Variants in ZNF316 observed in about 807,000 individuals in gnomAD.
ZNF316 encodes zinc finger protein 316.
ZNF316 carries 23 observed loss-of-function variants against 75.6 expected under a neutral mutation model. That is an observed-to-expected ratio of 0.30 (90% confidence interval 0.22 to 0.43). The LOEUF is 0.43. Among genes scored for constraint, ZNF316 ranks in the 20% least tolerant of loss-of-function variants. The pLI is 1.00. For synonymous variants in ZNF316, 827 were observed against 666.2 expected (o/e 1.24, Z -3.72); for missense variants, 1,266 against 1,409.4 (o/e 0.90, Z 1.63).
chr7:6,653,556 G>A lies in ZNF316; in HGVS notation c.1960G>A (p.Gly654Ser). The part of the protein sequence containing the change: ...EGTGLACDPF[G>S]GGGAAGGGGG... ...TACCGGGCTGGCGTGCGACCCTTTC[G>A]GCGGCGGCGGGGCCGCGGGCGGCGG... Residue 654 changes from glycine (G) to serine (S), a missense_variant, in exon 9 of 9, where the codon GGC becomes AGC. Around this residue, in one of 3 missense-constraint regions of ZNF316, gnomAD observed 961 missense variants for 990.9 expected, o/e 0.97. Transcript: ENST00000382252. 1.3e-5 allele frequency: 15 copies of A among 1,171,402 alleles called. No individual in the cohort carries two copies. The highest frequency in any genetic ancestry group is 1.6e-5 in the Non-Finnish European group (15 of 949,466). 72.6% of individuals were successfully genotyped at this position (1,171,402 alleles called of 1,614,324 possible).
At chr7:6,650,100 C>T (rs541592885) in intron 8 of ZNF316, among the ~76,000 whole-genome samples, 1 of 152,352 alleles carries the variant, frequency 6.6e-6, no homozygotes, top group Non-Finnish European at 1.5e-5. Flanking sequence ...CTTGAACCTT[C>T]CCCGTTTGGA....
chr7:6,639,098 C>A lies in ZNF316; in HGVS notation c.-210C>A, dbSNP rs937468410. 5.3e-5 allele frequency: 8 copies of A among 152,260 alleles called. No homozygotes were observed. The highest frequency in any genetic ancestry group is 1.7e-4 in the African/African-American group (7 of 41,422). 9.4% of individuals were successfully genotyped at this position (152,260 alleles called of 1,614,324 possible). ...TGGGTGGACTTCTTGGGAGAAAGAA[C>A]TCAGTGTCGTCTTTGGAGGCAGAGA... On this transcript the variant is annotated 5_prime_UTR_variant, in exon 3 of 9. Coordinates refer to ENST00000382252, the MANE Select transcript of ZNF316 (RefSeq NM_001278559.2). The surrounding 1 kb of genome is among the most constrained non-coding windows in gnomAD (Gnocchi z 4.2).
At chr7:6,646,948 C>G (rs534068760) in intron 8 of ZNF316, among the ~76,000 whole-genome samples, 1 of 152,174 alleles carries the variant, frequency 6.6e-6, no homozygotes, top group South Asian at 2.1e-4. Context: ...GCTGAAGCCC[C>G]CACCTGCCCT....
intron 8 of ZNF316, among the ~76,000 whole-genome samples, chr7:6,645,985 C>T (rs922667443): frequency 1.4e-4 from 17 of 120,326 alleles, no homozygotes; most frequent in African/African-American, 4.4e-4. Flanking sequence ...CAGAGTGAGA[C>T]GCCATCTCAA....
At position 6,643,849 on chromosome 7, in the gene ZNF316, G is replaced by A; in HGVS notation, c.493G>A (p.Val165Met). The change falls in exon 7 of 9, where the codon GTG becomes ATG. Residue 165 changes from valine to methionine, a missense_variant. Coordinates refer to ENST00000382252, the MANE Select transcript of ZNF316 (RefSeq NM_001278559.2). ...QELVTFEDVA[V>M]YFSLEEWERL... ...GCTGGTGACGTTTGAAGATGTGGCT[G>A]TGTACTTCTCCCTGGAGGAGTGGGA... The A allele has an allele frequency of 8.1e-7, 1 of 1,238,522 alleles. No individual in the cohort carries two copies. The highest frequency in any genetic ancestry group is 1.5e-5 in the African/African-American group (1 of 64,642). 76.7% of individuals were successfully genotyped at this position (1,238,522 alleles called of 1,614,324 possible).
chr7:6,653,936 C>T lies in ZNF316; in HGVS notation c.2340C>T (p.Cys780=). ...AGAAGCCGTTCGTGTGCGGCGTGTGCGGTGCGGGGTTCAGCCGTCGCGCGC... is the reference window on the plus strand; with the variant it reads ...AGAAGCCGTTCGTGTGCGGCGTGTGTGGTGCGGGGTTCAGCCGTCGCGCGC... ...TGEKPFVCGV[C]GAGFSRRAHL... The change falls in exon 9 of 9, where the codon TGC becomes TGT. Residue 780 remains cysteine, a synonymous_variant. Coordinates refer to ENST00000382252, the MANE Select transcript of ZNF316 (RefSeq NM_001278559.2). 5 of 1,148,252 alleles carry T rather than the reference C, an allele frequency of 4.4e-6. No homozygotes were observed. Among genetic ancestry groups the T allele is most frequent in the Non-Finnish European group, 5.3e-6 (5 of 934,980 alleles). The allele number at this position is 1,148,252 out of a possible 1,614,324, so 71.1% of individuals were successfully genotyped here. A position where few individuals can be genotyped will look rare whatever the true frequency, so the allele number is the denominator to read the frequency against.
At position 6,643,818 on chromosome 7, in the gene ZNF316, C is replaced by T. The variant is rs1049146338; in HGVS notation, c.466-4C>T. The T allele has an allele frequency of 1.6e-6, 2 of 1,235,514 alleles. No homozygotes were observed. Among genetic ancestry groups the T allele is most frequent in the Non-Finnish European group, 2.0e-6 (2 of 990,034 alleles). The allele number at this position is 1,235,514 out of a possible 1,614,324, so 76.5% of individuals were successfully genotyped here. A position where few individuals can be genotyped will look rare whatever the true frequency, so the allele number is the denominator to read the frequency against. ...GCCTCTCACCTGAGGCTCTGTTTCC[C>T]CAGGAGCTGGTGACGTTTGAAGATG... On this transcript the variant is annotated splice_polypyrimidine_tract_variant and splice_region_variant and intron_variant, in intron 6 of 8. Transcript: ENST00000382252.
Position 6,655,763 on chromosome 7 carries a change from T to G in ZNF316, c.*1152T>G, listed in dbSNP as rs149133258. ...GTGGAGGCACCCGTGGCCTGGCAGC[T>G]TGCACAGTGGCTGTCCACCTCGGGG... On this transcript the variant is annotated 3_prime_UTR_variant, in exon 9 of 9. Transcript: ENST00000382252. 2.0e-5 allele frequency: 3 copies of G among 148,952 alleles called. No individual in the cohort carries two copies. The highest frequency in any genetic ancestry group is 7.6e-5 in the African/African-American group (3 of 39,228). 9.2% of individuals were successfully genotyped at this position (148,952 alleles called of 1,614,324 possible).
At position 6,654,899 on chromosome 7, in the gene ZNF316, G is replaced by C. The variant is rs953169604; in HGVS notation, c.*288G>C. ...CTGGGTGGGCCCGGGCTGTGAAGCA[G>C]GGCGGTAGTTGGCGGGCGATGCTAT... is the stretch of plus-strand genomic sequence containing the variant. On this transcript the variant is annotated 3_prime_UTR_variant, in exon 9 of 9. Coordinates refer to ENST00000382252, the MANE Select transcript of ZNF316 (RefSeq NM_001278559.2). 1 of 229,566 alleles carries C rather than the reference G, an allele frequency of 4.4e-6. No individual in the cohort carries two copies. Among genetic ancestry groups the C allele is most frequent in the Non-Finnish European group, 8.5e-6 (1 of 117,644 alleles). The allele number at this position is 229,566 out of a possible 1,614,324, so 14.2% of individuals were successfully genotyped here. A position where few individuals can be genotyped will look rare whatever the true frequency, so the allele number is the denominator to read the frequency against.
chr7:6,649,082 G>A (rs960918134), intron 8 of ZNF316, among the ~76,000 whole-genome samples: 1 of 152,126 alleles, frequency 6.6e-6, no homozygotes, highest in Non-Finnish European at 1.5e-5. Flanking sequence ...AGTGTTCCCA[G>A]TTCAGGACAT....
rs1388629096 is a variant in ZNF316 at position 6,655,644 on chromosome 7, C to A, written c.*1033C>A. 1 of 152,238 alleles carries A rather than the reference C, an allele frequency of 6.6e-6. No homozygotes were observed. Among genetic ancestry groups the A allele is most frequent in the African/African-American group, 2.4e-5 (1 of 41,450 alleles). The allele number at this position is 152,238 out of a possible 1,614,324, so 9.4% of individuals were successfully genotyped here. A position where few individuals can be genotyped will look rare whatever the true frequency, so the allele number is the denominator to read the frequency against. On this transcript the variant is annotated 3_prime_UTR_variant, in exon 9 of 9. Transcript: ENST00000382252. ...TTTCCCCACATCCCATAATCAGGGC[C>A]CTAGGACACTCGCAGGTCCCTTTAA...
Position 6,640,231 on chromosome 7 carries a change from G to T in ZNF316, c.-167+1090G>T, listed in dbSNP as rs985748692. ...GGTTTGGGTGTTTGTCCAGGTGTCA[G>T]GCTGTTCTCGCATTGCTGTAAAGAA... is the stretch of plus-strand genomic sequence containing the variant. On this transcript the variant is annotated intron_variant, in intron 3 of 8. Transcript: ENST00000382252. The surrounding 1 kb of genome is among the most constrained non-coding windows in gnomAD (Gnocchi z 5.1). Among the ~76,000 whole-genome samples the T allele has an allele frequency of 3.3e-5, 5 of 152,190 alleles. No individual in the cohort carries two copies. Among genetic ancestry groups the T allele is most frequent in the African/African-American group, 1.2e-4 (5 of 41,432 alleles).
Position 6,653,048 on chromosome 7 carries a change from G to C in ZNF316, c.1452G>C (p.Pro484=). ...AGGCGGTGCACACGGCCGACCGCCCGCACTGCTGTCCCGACTGCGGCCAGG... is the reference window on the plus strand; with the variant it reads ...AGGCGGTGCACACGGCCGACCGCCCCCACTGCTGTCCCGACTGCGGCCAGG... ...RHQAVHTADR[P]HCCPDCGQAF... The change falls in exon 9 of 9, where the codon CCG becomes CCC. Residue 484 remains proline (P), a synonymous_variant. Coordinates refer to ENST00000382252, the MANE Select transcript of ZNF316 (RefSeq NM_001278559.2). 8.2e-7 allele frequency: 1 copy of C among 1,217,614 alleles called. No individual in the cohort carries two copies. The highest frequency in any genetic ancestry group is 1.0e-6 in the Non-Finnish European group (1 of 979,068). The allele number at this position is 1,217,614 out of a possible 1,614,324, so 75.4% of individuals were successfully genotyped here.
chr7:6,649,402 T>C (rs1207391425), intron 8 of ZNF316, among the ~76,000 whole-genome samples: 2 of 152,152 alleles, frequency 1.3e-5, no homozygotes, highest in South Asian at 2.1e-4. Context: ...TTGAGAAACA[T>C]GCACCAGCCC....
rs942098820 is a variant in ZNF316 at position 6,653,546 on chromosome 7, C to T, written c.1950C>T (p.Cys650=). 795 of 1,198,668 alleles carry T rather than the reference C, an allele frequency of 6.6e-4. 1 individual carries two copies. The highest frequency in any genetic ancestry group is 7.2e-4 in the Non-Finnish European group (693 of 967,264). 74.3% of individuals were successfully genotyped at this position (1,198,668 alleles called of 1,614,324 possible). ...LSLVEGTGLA[C]DPFGGGGAAG... Reference sequence around the variant, plus strand: ...TGGTGGAGGGTACCGGGCTGGCGTGCGACCCTTTCGGCGGCGGCGGGGCCG... The same window carrying T: ...TGGTGGAGGGTACCGGGCTGGCGTGTGACCCTTTCGGCGGCGGCGGGGCCG... Residue 650 remains cysteine, a synonymous_variant, in exon 9 of 9, where the codon TGC becomes TGT. Transcript: ENST00000382252.
Position 6,654,002 on chromosome 7 carries a change from T to A in ZNF316, c.2406T>A (p.Pro802=). ...GGCGCGCGCACACCGGGGAGCGGCC[T>A]TACGCGTGTGGAGAGTGCGGCCGGC... The part of the protein sequence containing the change: ...AHGRAHTGER[P]YACGECGRRF... Residue 802 remains proline, a synonymous_variant, in exon 9 of 9, where the codon CCT becomes CCA. Coordinates refer to ENST00000382252, the MANE Select transcript of ZNF316 (RefSeq NM_001278559.2). 2 of 1,185,510 alleles carry A rather than the reference T, an allele frequency of 1.7e-6. No homozygotes were observed. Among genetic ancestry groups the A allele is most frequent in the African/African-American group, 1.6e-5 (1 of 62,026 alleles). The allele number at this position is 1,185,510 out of a possible 1,614,324, so 73.4% of individuals were successfully genotyped here.
Position 6,652,373 on chromosome 7 carries a change from G to C in ZNF316, c.777G>C (p.Val259=). The change falls in exon 9 of 9, where the codon GTG becomes GTC. Residue 259 remains valine (V), a synonymous_variant. Coordinates refer to ENST00000382252, the MANE Select transcript of ZNF316 (RefSeq NM_001278559.2). Reference sequence around the variant, plus strand: ...ACGACGAGGACTTCCTGGCGGAGGTGGCCGAGGAGGAGAACGAGCCCCCAG... The same window carrying C: ...ACGACGAGGACTTCCTGGCGGAGGTCGCCGAGGAGGAGAACGAGCCCCCAG... ...EEDDEDFLAE[V]AEEENEPPGL... The C allele has an allele frequency of 8.1e-7, 1 of 1,232,352 alleles. No individual in the cohort carries two copies. The highest frequency in any genetic ancestry group is 1.0e-6 in the Non-Finnish European group (1 of 988,096). 76.3% of individuals were successfully genotyped at this position (1,232,352 alleles called of 1,614,324 possible).
Position 6,645,414 on chromosome 7 carries a change from T to A in ZNF316, c.706+821T>A, listed in dbSNP as rs547186025. ...AAATGAAAATACAAGCTGGGTGCGG[T>A]GGCTCATGCCTATAATCCCAGCACT... On this transcript the variant is annotated intron_variant, in intron 8 of 8. Transcript: ENST00000382252. Among the ~76,000 whole-genome samples the A allele has an allele frequency of 7.9e-5, 12 of 152,352 alleles. No individual in the cohort carries two copies. In the East Asian group the frequency reaches 1.9e-3, roughly 24 times the overall value.
rs894289592 is a variant in ZNF316 at position 6,653,488 on chromosome 7, C to G, written c.1892C>G (p.Pro631Arg). The change falls in exon 9 of 9, where the codon CCG (proline) becomes CGG (arginine). Residue 631 changes from proline (P) to arginine (R), a missense_variant. Pro to Arg is a moderately radical substitution (Grantham distance 103). This residue lies in a region of ZNF316 where 961 missense variants were observed against 990.9 expected (regional missense o/e 0.97). Transcript: ENST00000382252. ...GAGCGGCTGCCGGTCGACGGGCGCC[C>G]GCTCCCGGCGCCCCTGGGGGGCCCG... is the stretch of plus-strand genomic sequence containing the variant. ...FRERLPVDGR[P>R]LPAPLGGPLS... 8.2e-7 allele frequency: 1 copy of G among 1,222,740 alleles called. No homozygotes were observed. The highest frequency in any genetic ancestry group is 3.2e-5 in the East Asian group (1 of 31,260). 75.7% of individuals were successfully genotyped at this position (1,222,740 alleles called of 1,614,324 possible).
Sources: gnomAD v4.1 joint callset for allele counts (sites outside exome capture counted in the v4.1 genomes callset) on GRCh38, gnomAD v4.1.1 for gene constraint, gnomAD v4.1.1 regional missense constraint, Gnocchi (gnomAD v3.1) non-coding constraint, MANE v1.5 for transcripts, NCBI Gene and HGNC (gene_info 2026-07-23, HGNC 2026-07-21) for gene names.